The following NFIB variants were observed in gnomAD, a reference collection of about 807,000 sequenced individuals.
The protein encoded by NFIB is nuclear factor I B.
A neutral mutation model predicts 61.5 loss-of-function variants in NFIB; 11 were observed. The observed-to-expected ratio is 0.18, with a 90% CI of 0.11 to 0.30. The LOEUF is 0.30. Among genes scored for constraint, NFIB ranks in the 10% least tolerant of loss-of-function variants. The probability of loss-of-function intolerance (pLI) is 1.00; values close to 1 mark genes in which losing one functional copy is unlikely to be tolerated. For missense variants in NFIB, 471 were observed against 608.9 expected, an observed-to-expected ratio of 0.77 and a Z score of 2.38; for synonymous variants, 260 against 216.5, an observed-to-expected ratio of 1.20 and a Z score of -1.76.
chr9:14,513,462 T>C, the NFIB span, among the ~76,000 whole-genome samples: 3 of 151,994 alleles, frequency 2.0e-5, no homozygotes, highest in Admixed American at 2.0e-4. Context: ...ACCTCGTCTC[T>C]ACTAAAAATA....
chr9:14,234,924 T>C (rs1018002096), intron 2 of NFIB, among the ~76,000 whole-genome samples: 3 of 151,120 alleles, frequency 2.0e-5, no homozygotes, highest in Non-Finnish European at 4.4e-5. Context: ...CAAAAAAAAA[T>C]AGCTTCACAT....
chr9:14,147,887 C>G (rs1846195711), intron 5 of NFIB, among the ~76,000 whole-genome samples: 2 of 151,990 alleles, frequency 1.3e-5, no homozygotes, highest in African/African-American at 4.8e-5. Flanking sequence ...AGCGATCCTC[C>G]CACTTCAGCC....
chr9:14,520,695 G>T, the NFIB span, among the ~76,000 whole-genome samples: 3 of 152,152 alleles, frequency 2.0e-5, no homozygotes, highest in African/African-American at 7.2e-5. Flanking sequence ...TCCAAACCAT[G>T]TGTCATGACC....
At position 14,322,985 on chromosome 9, in the gene NFIB, C is replaced by T. The variant is rs550385328; in HGVS notation, c.109-15465G>A. Among the ~76,000 whole-genome samples, 31 of 152,280 alleles carry T rather than the reference C, an allele frequency of 2.0e-4. No homozygotes were observed. The East Asian group carries it at 3.7e-3, about 18-fold the overall frequency. On this transcript the variant is annotated intron_variant, in intron 1 of 8. Coordinates refer to the NFIB transcript ENST00000380934. ...AGCAGGAACCCGGCCGAAAACGCCG[C>T]GGAAAGACTCTAAAACAACAATAAT...
intron 1 of NFIB, among the ~76,000 whole-genome samples, chr9:14,370,143 C>T (rs569610319): frequency 1.6e-4 from 25 of 152,338 alleles, no homozygotes; most frequent in Middle Eastern, 6.8e-3. Context: ...GAATAACCTT[C>T]ACCTCCTTAC....
chr9:14,375,956 G>C (rs1187228661), intron 1 of NFIB, among the ~76,000 whole-genome samples: 1 of 152,232 alleles, frequency 6.6e-6, no homozygotes, highest in Non-Finnish European at 1.5e-5. Flanking sequence ...ACTAGCTTGA[G>C]AACCCAGTCT....
At chr9:14,139,919 C>A (rs147395160) in intron 6 of NFIB, among the ~76,000 whole-genome samples, 1 of 152,132 alleles carries the variant, frequency 6.6e-6, no homozygotes, top group Non-Finnish European at 1.5e-5. Context: ...CTTTCCAATG[C>A]CAGGGTAGTA....
intron 1 of NFIB, among the ~76,000 whole-genome samples, chr9:14,391,733 A>C (rs1237171434): frequency 1.3e-5 from 2 of 152,156 alleles, no homozygotes; most frequent in Non-Finnish European, 1.5e-5. Flanking sequence ...GGAGAAAAAA[A>C]ACACAGACCC....
intron 1 of NFIB, among the ~76,000 whole-genome samples, chr9:14,337,800 C>G (rs967562739): frequency 2.0e-5 from 3 of 152,174 alleles, no homozygotes; most frequent in African/African-American, 7.2e-5. Flanking sequence ...TTTTTCTTTT[C>G]AGTTTACTTT....
chr9:14,188,228 T>C (rs1226148538), intron 2 of NFIB, among the ~76,000 whole-genome samples: 1 of 152,224 alleles, frequency 6.6e-6, no homozygotes, highest in African/African-American at 2.4e-5. Context: ...ATTTGTAATC[T>C]TATTTAAATT....
chr9:14,165,600 T>C (rs528239099), intron 3 of NFIB, among the ~76,000 whole-genome samples: 44 of 152,102 alleles, frequency 2.9e-4, no homozygotes, highest in African/African-American at 1.1e-3. Flanking sequence ...TAAGCACAAA[T>C]AGAGACAAAG....
At chr9:14,266,368 G>T (rs1184366747) in intron 2 of NFIB, among the ~76,000 whole-genome samples, 1 of 152,060 alleles carries the variant, frequency 6.6e-6, no homozygotes, top group African/African-American at 2.4e-5. Context: ...AGGCAAGAGG[G>T]TCGCTTGAGT....
intron 1 of NFIB, chr9:14,322,012 TGTCTCAG>T: frequency 8.1e-7 from 1 of 1,229,274 alleles, no homozygotes; most frequent in Non-Finnish European, 1.0e-6. Flanking sequence ...TGACTTGACG[TGTCTCAG>T]GTACAGATTT....
intron 3 of NFIB, among the ~76,000 whole-genome samples, chr9:14,161,384 A>C (rs1162980018): frequency 1.3e-5 from 2 of 152,088 alleles, no homozygotes; most frequent in Non-Finnish European, 2.9e-5. Flanking sequence ...ATGAAACGTA[A>C]ACCCACGAGG....
At chr9:14,121,705 T>C (rs1191531745) in intron 7 of NFIB, among the ~76,000 whole-genome samples, 1 of 152,186 alleles carries the variant, frequency 6.6e-6, no homozygotes, top group African/African-American at 2.4e-5. Context: ...CACACAGCAA[T>C]GAAAATTTAA....
At chr9:14,174,651 C>T (rs925138619) in intron 3 of NFIB, among the ~76,000 whole-genome samples, 1 of 151,488 alleles carries the variant, frequency 6.6e-6, no homozygotes, top group Non-Finnish European at 1.5e-5. Flanking sequence ...CCTGTAATCC[C>T]AGCTACTCAG....
intron 6 of NFIB, among the ~76,000 whole-genome samples, chr9:14,143,786 T>C (rs1176440273): frequency 6.6e-6 from 1 of 152,132 alleles, no homozygotes. Flanking sequence ...CATTAGAAGA[T>C]GGACAAGAAC....
chr9:14,289,245 C>G (rs1388548266), intron 2 of NFIB, among the ~76,000 whole-genome samples: 2 of 149,036 alleles, frequency 1.3e-5, no homozygotes, highest in Non-Finnish European at 3.0e-5. Context: ...TATATGCATA[C>G]ACATACACAC....
At chr9:14,251,746 C>T (rs1198706513) in intron 2 of NFIB, among the ~76,000 whole-genome samples, 1 of 152,210 alleles carries the variant, frequency 6.6e-6, no homozygotes, top group East Asian at 1.9e-4. Flanking sequence ...CACGGGCATC[C>T]TGCACACCGC....
Sources: gnomAD v4.1 joint callset for allele counts (sites outside exome capture counted in the v4.1 genomes callset) on GRCh38, gnomAD v4.1.1 for gene constraint, MANE v1.5 for transcripts, NCBI Gene and HGNC (gene_info 2026-07-23, HGNC 2026-07-21) for gene names.